TG: variants seen among roughly 807,000 people sequenced by gnomAD.
TG encodes the protein thyroglobulin.
In TG, 270 loss-of-function variants were observed where a neutral mutation model predicts 324.7. The observed-to-expected ratio is 0.83, with a 90% CI of 0.75 to 0.92. The LOEUF is 0.92. Ranked by LOEUF, TG falls within the 40% of genes least tolerant of loss-of-function variation. The probability of loss-of-function intolerance (pLI) is 0.00; values close to 1 mark genes in which losing one functional copy is unlikely to be tolerated. For synonymous variants in TG, 1,401 were observed against 1,327.0 expected (o/e 1.06, Z -1.21); for missense variants, 3,591 against 3,456.4 (o/e 1.04, Z -0.98).
At chr8:133,014,660 G>A (rs1411948154) in intron 37 of TG, among the ~76,000 whole-genome samples, 4 of 152,194 alleles carry the variant, frequency 2.6e-5, no homozygotes, top group East Asian at 1.9e-4. Context: ...AAACCAAGTA[G>A]CAGCAGATTT....
At chr8:133,047,908 C>T (rs1212119818) in intron 41 of TG, 2 of 1,611,876 alleles carry the variant, frequency 1.2e-6, no homozygotes, top group South Asian at 2.2e-5. Flanking sequence ...TCGGCCTTGT[C>T]TCTGCCCAGG....
chr8:132,887,153 A>T lies in TG; in HGVS notation c.1781A>T (p.Asp594Val). ...AISVPEDVAR[D>V]LGDVMETVLS... ...TCTGTGCCAGAAGATGTGGCAAGAG[A>T]TTTAGGTGATGTGATGGAAACGGTA... Residue 594 changes from aspartate to valine, a missense_variant, in exon 9 of 48, where the codon GAT (aspartate) becomes GTT (valine). Transcript: ENST00000220616. The T allele has an allele frequency of 6.2e-7, 1 of 1,614,084 alleles. No individual in the cohort carries two copies. The highest frequency in any genetic ancestry group is 8.5e-7 in the Non-Finnish European group (1 of 1,179,998).
At chr8:133,032,692 G>T (rs1385372671) in intron 41 of TG, among the ~76,000 whole-genome samples, 1 of 152,200 alleles carries the variant, frequency 6.6e-6, no homozygotes, top group African/African-American at 2.4e-5. Context: ...TTGGGGAAAT[G>T]AATATGAGTT....
chr8:133,132,069 CA>C, intron 46 of TG, 123 bp downstream of exon 46: 1 of 1,445,790 alleles, frequency 6.9e-7, no homozygotes, highest in Non-Finnish European at 9.6e-7. Flanking sequence ...ACACTATAAT[CA>C]CCAGCCACTG....
At chr8:132,868,352 T>A in intron 2 of TG, 129 bp downstream of exon 2, 1 of 848,322 alleles carries the variant, frequency 1.2e-6, no homozygotes, top group African/African-American at 1.7e-5. Context: ...CACTGTCATT[T>A]GGAGGTGCCT....
intron 27 of TG, among the ~76,000 whole-genome samples, chr8:132,955,057 C>G (rs1450148373): frequency 6.6e-6 from 1 of 152,134 alleles, no homozygotes; most frequent in Non-Finnish European, 1.5e-5. Context: ...TGGGAAGGAC[C>G]CTGGGAGACT....
chr8:132,931,408 C>T (rs1401633820), intron 23 of TG, among the ~76,000 whole-genome samples: 3 of 152,068 alleles, frequency 2.0e-5, no homozygotes, highest in Non-Finnish European at 4.4e-5. Context: ...TACGGTAGAT[C>T]GAAGGGCCAT....
At chr8:133,109,746 G>A (rs1850111933) in intron 43 of TG, among the ~76,000 whole-genome samples, 1 of 152,210 alleles carries the variant, frequency 6.6e-6, no homozygotes, top group Admixed American at 6.5e-5. Context: ...TGGGTGCTTG[G>A]TGCGTGGCAC....
chr8:133,094,846 C>CAT, intron 41 of TG, 198 bp from the exon 42 acceptor site: 1 of 700,044 alleles, frequency 1.4e-6, no homozygotes, highest in Non-Finnish European at 2.5e-6. Flanking sequence ...CCTAGAGAGA[C>CAT]ATCTTCAGTA....
At chr8:132,902,471 C>G (rs1818065873) in intron 16 of TG, among the ~76,000 whole-genome samples, 1 of 152,112 alleles carries the variant, frequency 6.6e-6, no homozygotes, top group Admixed American at 6.5e-5. Context: ...TGTCTGTACT[C>G]CCTCCTGCCC....
intron 8 of TG, among the ~76,000 whole-genome samples, chr8:132,885,109 GA>G (rs903423648): frequency 2.9e-5 from 4 of 140,018 alleles, no homozygotes; most frequent in East Asian, 2.2e-4. Flanking sequence ...GAATCAAGAG[GA>G]AAAAAATATT....
intron 11 of TG, among the ~76,000 whole-genome samples, chr8:132,896,170 G>T (rs1244915970): frequency 6.6e-6 from 1 of 152,250 alleles, no homozygotes; most frequent in Non-Finnish European, 1.5e-5. Context: ...CAGTTGTCTT[G>T]TTAGGTGAGT....
chr8:133,094,521 T>G, intron 41 of TG: 1 of 190,678 alleles, frequency 5.2e-6, no homozygotes, highest in South Asian at 9.6e-5. Context: ...CCAGTCATTT[T>G]AACAGAGAGT....
At chr8:132,952,473 T>C (rs1012865514) in intron 27 of TG, among the ~76,000 whole-genome samples, 1 of 152,164 alleles carries the variant, frequency 6.6e-6, no homozygotes. Context: ...GAATGCCTTG[T>C]TCTCTGGTCC....
At chr8:133,075,562 G>C (rs1464071344) in intron 41 of TG, among the ~76,000 whole-genome samples, 1 of 152,192 alleles carries the variant, frequency 6.6e-6, no homozygotes, top group Non-Finnish European at 1.5e-5. Flanking sequence ...ATAATAGTGT[G>C]GTTATGCGGG....
intron 41 of TG, among the ~76,000 whole-genome samples, chr8:133,042,681 T>TTTTTTC (rs1838511707): frequency 2.5e-5 from 2 of 81,334 alleles, no homozygotes; most frequent in African/African-American, 5.1e-5. Context: ...TCTGTGTCTT[T>TTTTTTC]TTTTTTTTTT....
intron 31 of TG, among the ~76,000 whole-genome samples, chr8:132,969,183 G>A (rs1396913162): frequency 1.3e-5 from 2 of 152,104 alleles, no homozygotes; most frequent in Non-Finnish European, 2.9e-5. Flanking sequence ...AAGTTGAGTA[G>A]TTTTCTTGGT....
chr8:132,957,684 A>AATTTGT (rs1051886523), intron 27 of TG, among the ~76,000 whole-genome samples: 7 of 148,002 alleles, frequency 4.7e-5, no homozygotes, highest in Non-Finnish European at 8.9e-5. Context: ...GATGTGACTG[A>AATTTGT]ATTTGTATTT....
At chr8:133,054,351 A>C (rs1235959638) in intron 41 of TG, among the ~76,000 whole-genome samples, 1 of 152,200 alleles carries the variant, frequency 6.6e-6, no homozygotes, top group East Asian at 1.9e-4. Flanking sequence ...TTTTCGGGAA[A>C]GAGAATGGGG....
Sources: allele counts gnomAD v4.1 joint callset (sites outside exome capture counted in the v4.1 genomes callset), GRCh38; gene constraint gnomAD v4.1.1; transcripts MANE v1.5; gene names NCBI Gene and HGNC (gene_info 2026-07-23, HGNC 2026-07-21).